Variants in SCLY observed in about 807,000 individuals in gnomAD.
The protein encoded by SCLY is putative selenocysteine lyase.
In SCLY, 38 loss-of-function variants were observed where a neutral mutation model predicts 50.1. The observed-to-expected ratio is 0.76, with a 90% CI of 0.59 to 0.99. The LOEUF is 0.99. Ranked by LOEUF, SCLY falls within the 50% of genes least tolerant of loss-of-function variation. The probability of loss-of-function intolerance (pLI) is 0.00; values close to 1 mark genes in which losing one functional copy is unlikely to be tolerated. For synonymous variants in SCLY, 243 were observed against 249.4 expected (o/e 0.97, Z 0.24); for missense variants, 600 against 620.0 (o/e 0.97, Z 0.34).
chr2:238,071,259 A>G (rs753272688), intron 4 of SCLY, among the ~76,000 whole-genome samples: 11 of 152,250 alleles, frequency 7.2e-5, no homozygotes, highest in Non-Finnish European at 1.5e-4. Context: ...CAATTTAAAA[A>G]ATGTATAGAC....
intron 7 of SCLY, among the ~76,000 whole-genome samples, chr2:238,084,691 G>A (rs762689825): frequency 2.7e-5 from 4 of 148,610 alleles, no homozygotes; most frequent in Admixed American, 1.4e-4. Context: ...TCAGGAGATC[G>A]AGACCATCCT....
rs990540105 is a variant in SCLY at position 238,086,670 on chromosome 2, C to A, written c.884+3316C>A. The stretch of plus-strand genomic sequence containing the variant: ...GCAGTGAGCTATGATCACACCATTG[C>A]ACTCCAGCCTGGGCAACAGAGCAAG... On this transcript the variant is annotated intron_variant, in intron 7 of 11. Transcript: ENST00000254663. Among the ~76,000 whole-genome samples the A allele has an allele frequency of 3.4e-5, 5 of 147,294 alleles. No individual in the cohort carries two copies. In the South Asian group the frequency reaches 1.1e-3, roughly 31 times the overall value.
intron 2 of SCLY, 42 bp from the exon 3 acceptor site, chr2:238,068,023 T>C (rs1266876562): frequency 2.1e-6 from 3 of 1,436,910 alleles, no homozygotes. Context: ...TGATTGAGCT[T>C]GGTGAAGCAA....
chr2:238,096,810 T>C lies in SCLY; in HGVS notation c.1118T>C (p.Val373Ala). ...TGCTCTGTCTCCGCAGGCCACGTGG[T>C]GCTTGCGCAGTGCCGAGTGCTGATG... Reference protein sequence around the residue: ...IRGPRLQGHVVLAQCRVLMAS... With the variant: ...IRGPRLQGHVALAQCRVLMAS... The change falls in exon 11 of 12, where the codon GTG becomes GCG. Residue 373 changes from valine to alanine, a missense_variant. Physicochemically the swap from Val to Ala is moderately conservative, Grantham distance 64 (BLOSUM62 0). Coordinates refer to ENST00000254663, the MANE Select transcript of SCLY (RefSeq NM_016510.7). The C allele has an allele frequency of 1.2e-6, 2 of 1,610,764 alleles. No homozygotes were observed. Among genetic ancestry groups the C allele is most frequent in the Non-Finnish European group, 1.7e-6 (2 of 1,179,036 alleles).
rs1559247208 is a variant in SCLY at position 238,082,053 on chromosome 2, T to C, written c.621T>C (p.Pro207=). Residue 207 remains proline (P), a synonymous_variant, in exon 6 of 12, where the codon CCT becomes CCC. Coordinates refer to ENST00000254663, the MANE Select transcript of SCLY (RefSeq NM_016510.7). ...TTTCCTTTCCCCGTCAGCCTGTCCCTGAAATCAGTCAGCGCATTAAAGCCC... is the reference window on the plus strand; with the variant it reads ...TTTCCTTTCCCCGTCAGCCTGTCCCCGAAATCAGTCAGCGCATTAAAGCCC... ...NNETGIVMPV[P]EISQRIKALN... The C allele has an allele frequency of 2.5e-6, 4 of 1,613,024 alleles. No homozygotes were observed. In the East Asian group the frequency reaches 8.9e-5, roughly 36 times the overall value.
chr2:238,096,720 C>T (rs1262498027), intron 10 of SCLY, 81 bp from the exon 11 acceptor site: 10 of 1,448,524 alleles, frequency 6.9e-6, no homozygotes, highest in South Asian at 2.4e-5. Context: ...AAGCAGCCTG[C>T]GCCCAGCAGG....
At chr2:238,097,584 TG>T (rs2065452883) in intron 11 of SCLY, among the ~76,000 whole-genome samples, 3 of 151,692 alleles carry the variant, frequency 2.0e-5, no homozygotes, top group Non-Finnish European at 4.4e-5. Flanking sequence ...GTGGTGGGCC[TG>T]GCTCCAGGGA....
In SCLY at chr2:238,083,473, C is replaced by G; in HGVS notation, c.884+119C>G. On this transcript the variant is annotated intron_variant, in intron 7 of 11. Transcript: ENST00000254663. This position sits in a 1 kb window ranked among gnomAD's most constrained non-coding sequence, Gnocchi z 4.3. ...TCGTGGAGGCTCTGTAGCATGTCCA[C>G]ACTGCTGCTGTGTCAGAACTGGCTC... The G allele has an allele frequency of 2.7e-6, 2 of 741,996 alleles. No homozygotes were observed. Among genetic ancestry groups the G allele is most frequent in the Non-Finnish European group, 4.8e-6 (2 of 418,500 alleles). 46.0% of individuals were successfully genotyped at this position (741,996 alleles called of 1,614,324 possible).
chr2:238,061,238 T>C, intron 1 of SCLY, 95 bp downstream of exon 1: 3 of 972,026 alleles, frequency 3.1e-6, no homozygotes, highest in Non-Finnish European at 4.8e-6. Context: ...CTGTGGCCGC[T>C]CTCGCGTGGG....
chr2:238,097,544 G>A (rs1172011267), intron 11 of SCLY, among the ~76,000 whole-genome samples: 2 of 152,138 alleles, frequency 1.3e-5, no homozygotes, highest in Non-Finnish European at 2.9e-5. Context: ...CAGGGCAGAG[G>A]GATTGTGCAG....
rs763982076 is a variant in SCLY at position 238,083,073 on chromosome 2, G to A, written c.778-175G>A. The A allele has an allele frequency of 2.5e-5, 17 of 690,800 alleles. No homozygotes were observed. The highest frequency in any genetic ancestry group is 2.4e-4 in the Middle Eastern group (1 of 4,210). The allele number at this position is 690,800 out of a possible 1,614,324, so 42.8% of individuals were successfully genotyped here. A position where few individuals can be genotyped will look rare whatever the true frequency, so the allele number is the denominator to read the frequency against. ...CTAGGTTGGGGTTCCACCCTGCCCC[G>A]AAGGCTTTTGTGACTCTGCGTGTCA... is the stretch of plus-strand genomic sequence containing the variant. On this transcript the variant is annotated intron_variant, in intron 6 of 11. Transcript: ENST00000254663. The surrounding 1 kb of genome is among the most constrained non-coding windows in gnomAD (Gnocchi z 4.3).
chr2:238,078,794 G>A (rs1378450930), intron 4 of SCLY: 1 of 151,182 alleles, frequency 6.6e-6, no homozygotes, highest in African/African-American at 2.4e-5. Flanking sequence ...CCAGGTTCAA[G>A]TGATTCTCAT....
rs142947539 is a variant in SCLY, at chr2:238,062,905, C to T, written c.90-1452C>T. On this transcript the variant is annotated intron_variant, in intron 1 of 11. Transcript: ENST00000254663. ...TACTACACATTTTTCTAAAGGCTTTCGAAGGTTTTGGATATTAGTAAAAAG... is the reference window on the plus strand; with the variant it reads ...TACTACACATTTTTCTAAAGGCTTTTGAAGGTTTTGGATATTAGTAAAAAG... Among the ~76,000 whole-genome samples the T allele has an allele frequency of 2.7e-3, 408 of 152,274 alleles. 1 individual carries two copies. Among genetic ancestry groups the T allele is most frequent in the African/African-American group, 8.7e-3 (362 of 41,546 alleles).
intron 8 of SCLY, 54 bp downstream of exon 8, chr2:238,091,308 C>G: frequency 6.8e-7 from 1 of 1,462,052 alleles, no homozygotes; most frequent in Non-Finnish European, 9.6e-7. Context: ...ATCAGTGTCC[C>G]CAGCGGCTCT....
At chr2:238,091,555 CCAA>C in intron 8 of SCLY, 74 of 347,180 alleles carry the variant, frequency 2.1e-4, no homozygotes, top group Middle Eastern at 8.7e-4. Context: ...TTCACCATTC[CCAA>C]AGGCGTCGGC....
chr2:238,084,659 C>G (rs551651715), intron 7 of SCLY, among the ~76,000 whole-genome samples: 19 of 145,180 alleles, frequency 1.3e-4, no homozygotes, highest in African/African-American at 4.9e-4. Flanking sequence ...CTTTGGGAGG[C>G]CGAGGCGGGT....
chr2:238,098,034 C>A, intron 11 of SCLY, 168 bp from the exon 12 acceptor site: 1 of 738,230 alleles, frequency 1.4e-6, no homozygotes, highest in East Asian at 2.8e-5. Flanking sequence ...TGTGGGTGAT[C>A]TTAGGGGTGT....
chr2:238,088,074 G>A (rs1162459405), intron 7 of SCLY, among the ~76,000 whole-genome samples: 1 of 152,330 alleles, frequency 6.6e-6, no homozygotes, highest in East Asian at 1.9e-4. Context: ...CAGTTTGGGT[G>A]ACAAAGTGAG....
At position 238,082,110 on chromosome 2, in the gene SCLY, T is replaced by A; in HGVS notation, c.678T>A (p.Pro226=). 6.2e-7 allele frequency: 1 copy of A among 1,613,516 alleles called. No individual in the cohort carries two copies. The highest frequency in any genetic ancestry group is 8.5e-7 in the Non-Finnish European group (1 of 1,179,994). The part of the protein sequence containing the change: ...LNQERVAAGL[P]PILVHTDAAQ... ...AGGAACGGGTGGCAGCTGGGCTACCTCCCATCCTCGTGCACACGGATGCTG... is the reference window on the plus strand; with the variant it reads ...AGGAACGGGTGGCAGCTGGGCTACCACCCATCCTCGTGCACACGGATGCTG... The change falls in exon 6 of 12, where the codon CCT becomes CCA. Residue 226 remains proline (P), a synonymous_variant. Coordinates refer to ENST00000254663, the MANE Select transcript of SCLY (RefSeq NM_016510.7).
Sources: allele counts gnomAD v4.1 joint callset (sites outside exome capture counted in the v4.1 genomes callset), GRCh38; gene constraint gnomAD v4.1.1; non-coding constraint Gnocchi (gnomAD v3.1); transcripts MANE v1.5; gene names NCBI Gene and HGNC (gene_info 2026-07-23, HGNC 2026-07-21).